Variants in ACOXL observed in about 807,000 individuals in gnomAD.
ACOXL encodes the protein acyl-coenzyme A oxidase-like protein.
In ACOXL, 70 loss-of-function variants were observed where a neutral mutation model predicts 71.9. The ratio of observed to expected loss-of-function variants is 0.97; its 90% CI spans 0.80 to 1.19. The LOEUF (loss-of-function observed/expected upper bound fraction) is 1.19, where lower values mean the gene tolerates loss of function less well. ACOXL is among the 50% of genes most tolerant of loss of function. The pLI, the probability that ACOXL is intolerant of heterozygous loss-of-function variation, is 0.00. For synonymous variants in ACOXL, 253 were observed against 281.6 expected, an observed-to-expected ratio of 0.90 and a Z score of 1.02; for missense variants, 703 against 736.3, an observed-to-expected ratio of 0.95 and a Z score of 0.52.
At chr2:110,890,462 G>A (rs952959308) in intron 10 of ACOXL, among the ~76,000 whole-genome samples, 1 of 152,138 alleles carries the variant, frequency 6.6e-6, no homozygotes, top group Non-Finnish European at 1.5e-5. Context: ...CATTAGGTCT[G>A]TGATCCATTT....
chr2:110,878,260 G>A (rs796230864), intron 10 of ACOXL, among the ~76,000 whole-genome samples: 16 of 152,260 alleles, frequency 1.1e-4, no homozygotes, highest in African/African-American at 3.9e-4. Flanking sequence ...ACTTTTACAA[G>A]TGAAAAATGC....
chr2:110,921,536 G>C (rs1020507874), intron 11 of ACOXL, among the ~76,000 whole-genome samples: 3 of 151,904 alleles, frequency 2.0e-5, no homozygotes, highest in Admixed American at 1.3e-4. Flanking sequence ...TGGGACTACA[G>C]GTGCCTGCCA....
Position 110,805,398 on chromosome 2 carries a change from A to C in ACOXL, c.753+3A>C, listed in dbSNP as rs200684044. On this transcript the variant is annotated splice_donor_region_variant and intron_variant, in intron 9 of 17. Transcript: ENST00000439055. ...TCCAAGCTATGGGTGCCATGAAGGT[A>C]ATTGACTCTGATTTTAACTTAATTA... is the stretch of plus-strand genomic sequence containing the variant. 1.9e-5 allele frequency: 31 copies of C among 1,614,080 alleles called. No homozygotes were observed. The highest frequency in any genetic ancestry group is 2.0e-5 in the Non-Finnish European group (24 of 1,180,032).
At chr2:111,001,421 C>T (rs1231592027) in intron 14 of ACOXL, among the ~76,000 whole-genome samples, 1 of 108,198 alleles carries the variant, frequency 9.2e-6, no homozygotes, top group Non-Finnish European at 2.1e-5. Context: ...ACAAAAAAAC[C>T]CTAGCTATAA....
chr2:111,077,191 TAAAAG>T (rs947956945), intron 16 of ACOXL, among the ~76,000 whole-genome samples: 9 of 152,360 alleles, frequency 5.9e-5, no homozygotes, highest in African/African-American at 1.9e-4. Context: ...GAATTTCATT[TAAAAG>T]AAATTTAACT....
At chr2:110,781,332 T>G (rs553249225) in intron 2 of ACOXL, among the ~76,000 whole-genome samples, 12 of 151,966 alleles carry the variant, frequency 7.9e-5, no homozygotes, top group African/African-American at 2.7e-4. Flanking sequence ...AAGAGTCTGG[T>G]GAAGAGATGT....
intron 10 of ACOXL, among the ~76,000 whole-genome samples, chr2:110,881,312 T>A (rs1696614686): frequency 6.6e-6 from 1 of 152,092 alleles, no homozygotes; most frequent in African/African-American, 2.4e-5. Context: ...TTTTCTAGAT[T>A]CACTTGTGAA....
At chr2:110,926,825 C>G (rs1389633443) in intron 11 of ACOXL, among the ~76,000 whole-genome samples, 1 of 152,122 alleles carries the variant, frequency 6.6e-6, no homozygotes, top group Admixed American at 6.5e-5. Context: ...ACTCTCTCCC[C>G]ATTCAGCCTG....
At chr2:110,990,869 A>G (rs2063142895) in intron 13 of ACOXL, among the ~76,000 whole-genome samples, 1 of 152,144 alleles carries the variant, frequency 6.6e-6, no homozygotes, top group Non-Finnish European at 1.5e-5. Context: ...ATGCTGTATT[A>G]TCATATTTAT....
intron 11 of ACOXL, among the ~76,000 whole-genome samples, chr2:110,912,321 G>T (rs1191371323): frequency 1.3e-5 from 2 of 152,050 alleles, no homozygotes. Flanking sequence ...ACAATCTTGA[G>T]AAAGAGTAAC....
At chr2:110,758,819 A>G (rs1181944890) in intron 1 of ACOXL, among the ~76,000 whole-genome samples, 1 of 152,202 alleles carries the variant, frequency 6.6e-6, no homozygotes, top group East Asian at 1.9e-4. Context: ...ATGTAGTGCT[A>G]TAAAGTTCCC....
intron 9 of ACOXL, among the ~76,000 whole-genome samples, chr2:110,835,075 G>C (rs367838620): frequency 6.6e-6 from 1 of 152,282 alleles, no homozygotes; most frequent in East Asian, 1.9e-4. Context: ...AACAAGCACC[G>C]CCTAGGTTTC....
At chr2:111,061,342 G>T (rs544955707) in intron 16 of ACOXL, among the ~76,000 whole-genome samples, 1 of 152,112 alleles carries the variant, frequency 6.6e-6, no homozygotes, top group African/African-American at 2.4e-5. Flanking sequence ...AACCACAGGG[G>T]TCAGAAGAAG....
intron 9 of ACOXL, among the ~76,000 whole-genome samples, chr2:110,835,998 G>A (rs1250983463): frequency 6.6e-6 from 1 of 152,186 alleles, no homozygotes; most frequent in African/African-American, 2.4e-5. Flanking sequence ...GTCGGGGTTT[G>A]GCCACAAAGC....
chr2:110,924,084 A>C (rs994576577), intron 11 of ACOXL, among the ~76,000 whole-genome samples: 1 of 152,256 alleles, frequency 6.6e-6, no homozygotes, highest in Non-Finnish European at 1.5e-5. Flanking sequence ...TATAAAAGTT[A>C]TATTTACACT....
chr2:110,874,171 G>A (rs1045385173), intron 10 of ACOXL, among the ~76,000 whole-genome samples: 7 of 152,210 alleles, frequency 4.6e-5, no homozygotes, highest in African/African-American at 1.7e-4. Context: ...GGGGGGCTCT[G>A]CAAGGCAGCA....
chr2:110,929,434 G>A (rs2060400183), intron 11 of ACOXL, among the ~76,000 whole-genome samples: 1 of 152,174 alleles, frequency 6.6e-6, no homozygotes, highest in Non-Finnish European at 1.5e-5. Flanking sequence ...GATGACTTGG[G>A]TGCTGTTAAA....
intron 17 of ACOXL, among the ~76,000 whole-genome samples, chr2:111,103,996 C>T (rs2069355933): frequency 6.6e-6 from 1 of 152,212 alleles, no homozygotes; most frequent in African/African-American, 2.4e-5. Context: ...TTTACCCTCT[C>T]TTTAATCCCA....
intron 1 of ACOXL, among the ~76,000 whole-genome samples, chr2:110,743,582 A>T (rs1469346413): frequency 6.6e-6 from 1 of 152,206 alleles, no homozygotes; most frequent in Non-Finnish European, 1.5e-5. Context: ...GGTGGAGGTC[A>T]TTCAGTGCTG....
Sources: allele counts gnomAD v4.1 joint callset (sites outside exome capture counted in the v4.1 genomes callset), GRCh38; gene constraint gnomAD v4.1.1; transcripts MANE v1.5; gene names NCBI Gene and HGNC (gene_info 2026-07-23, HGNC 2026-07-21).